Variants in SYBU observed in about 807,000 individuals in gnomAD.
SYBU encodes syntabulin, also known as GOLSYN A protein.
SYBU carries 21 observed loss-of-function variants against 35.9 expected under a neutral mutation model. The observed-to-expected ratio is 0.58, with a 90% CI of 0.41 to 0.84. The LOEUF is 0.84. SYBU is among the 40% of genes least tolerant of loss of function. The pLI is 0.00. For missense variants in SYBU, 768 were observed against 848.2 expected (o/e 0.91, Z 1.17); for synonymous variants, 319 against 324.3 (o/e 0.98, Z 0.18).
In SYBU at chr8:109,580,092, AT is replaced by A; in HGVS notation, c.531-91del. 3 of 1,259,000 alleles carry A rather than the reference AT, an allele frequency of 2.4e-6. No homozygotes were observed. The African/African-American group carries it at 4.4e-5, about 19-fold the overall frequency. The allele number at this position is 1,259,000 out of a possible 1,614,324, so 78.0% of individuals were successfully genotyped here. ...TACTCCTTAAATCTAAGGAAATCCAATTTATAGAGTTGAAAGGCGCAATACA... is the reference window on the plus strand; with the variant it reads ...TACTCCTTAAATCTAAGGAAATCCAATTATAGAGTTGAAAGGCGCAATACA... On this transcript the variant is annotated intron_variant, in intron 4 of 6. Coordinates refer to ENST00000276646, the MANE Select transcript of SYBU (RefSeq NM_001099754.2).
chr8:109,654,698 T>A (rs1015561375), intron 1 of SYBU, among the ~76,000 whole-genome samples: 2 of 152,174 alleles, frequency 1.3e-5, no homozygotes, highest in Non-Finnish European at 2.9e-5. Flanking sequence ...GTCCACAAAC[T>A]CACTACATTC....
intron 3 of SYBU, among the ~76,000 whole-genome samples, chr8:109,605,516 A>G (rs1309639156): frequency 6.6e-6 from 1 of 152,160 alleles, no homozygotes; most frequent in Admixed American, 6.5e-5. Flanking sequence ...CTTGGTGCAC[A>G]TGCCACGTTC....
chr8:109,586,096 G>A lies in SYBU; in HGVS notation c.494C>T (p.Ser165Leu), dbSNP rs1201146051. The change falls in exon 4 of 7, where the codon TCG becomes TTG. Residue 165 changes from serine (S) to leucine (L), a missense_variant. By Grantham distance (145) the Ser-to-Leu change is moderately radical. Coordinates refer to ENST00000276646, the MANE Select transcript of SYBU (RefSeq NM_001099754.2). ...AGAAGACCGCTTGCTTCCCGCAGTC[G>A]ACATATGGACCTCAGGAGCGGAAAT... is the stretch of plus-strand genomic sequence containing the variant. ...GSISAPEVHM[S>L]TAGSKRSSSS... 4.3e-6 allele frequency: 7 copies of A among 1,611,816 alleles called. No individual in the cohort carries two copies. The highest frequency in any genetic ancestry group is 2.7e-5 in the African/African-American group (2 of 74,886).
chr8:109,576,575 G>C (rs1330739720), intron 6 of SYBU, among the ~76,000 whole-genome samples: 1 of 152,110 alleles, frequency 6.6e-6, no homozygotes, highest in Admixed American at 6.6e-5. Flanking sequence ...TGTTCATATG[G>C]TATTCCAATG....
chr8:109,583,624 A>T (rs1368535606), intron 4 of SYBU, among the ~76,000 whole-genome samples: 1 of 152,092 alleles, frequency 6.6e-6, no homozygotes, highest in Non-Finnish European at 1.5e-5. Context: ...CATTCACTAC[A>T]TGGGGAAGCA....
At chr8:109,683,919 A>C (rs987456373), upstream of SYBU, among the ~76,000 whole-genome samples, 2 of 152,162 alleles carry the variant, frequency 1.3e-5, no homozygotes, top group South Asian at 2.1e-4. Context: ...CACCATGTGA[A>C]GAAGGATGTG....
At chr8:109,665,686 C>T (rs891017262) in intron 1 of SYBU, among the ~76,000 whole-genome samples, 1 of 152,168 alleles carries the variant, frequency 6.6e-6, no homozygotes, top group African/African-American at 2.4e-5. Flanking sequence ...AACAAGAAGG[C>T]TCTATTGCAG....
chr8:109,579,112 C>T (rs1822707856), intron 5 of SYBU, among the ~76,000 whole-genome samples: 1 of 152,160 alleles, frequency 6.6e-6, no homozygotes. Flanking sequence ...AGCTCCTTCC[C>T]TGACTCTGGA....
chr8:109,599,061 C>G (rs544232787), intron 3 of SYBU, among the ~76,000 whole-genome samples: 42 of 152,184 alleles, frequency 2.8e-4, no homozygotes, highest in Admixed American at 1.0e-3. Context: ...CCATCCCACC[C>G]AAAGTGTTTG....
chr8:109,626,485 T>C (rs1207699604), intron 2 of SYBU, among the ~76,000 whole-genome samples: 3 of 152,232 alleles, frequency 2.0e-5, no homozygotes, highest in African/African-American at 4.8e-5. Flanking sequence ...GCTTTTATGA[T>C]GAAAATTTGA....
At chr8:109,682,189 G>T (rs1201775130), upstream of SYBU, among the ~76,000 whole-genome samples, 1 of 152,176 alleles carries the variant, frequency 6.6e-6, no homozygotes, top group Non-Finnish European at 1.5e-5. Flanking sequence ...AAGCAACTTT[G>T]GAAATTGGTA....
At chr8:109,617,269 G>A (rs1811910622) in intron 3 of SYBU, among the ~76,000 whole-genome samples, 1 of 152,168 alleles carries the variant, frequency 6.6e-6, no homozygotes. Context: ...TTTGTTTGAG[G>A]TGTCGACAAT....
intron 3 of SYBU, among the ~76,000 whole-genome samples, chr8:109,589,927 G>A (rs1824027598): frequency 6.6e-6 from 1 of 151,668 alleles, no homozygotes; most frequent in Non-Finnish European, 1.5e-5. Flanking sequence ...GTAACCCCAA[G>A]CCCTCTCTTA....
chr8:109,621,147 A>G (rs1239744267), intron 2 of SYBU, among the ~76,000 whole-genome samples: 1 of 152,216 alleles, frequency 6.6e-6, no homozygotes, highest in Non-Finnish European at 1.5e-5. Flanking sequence ...TCAGACTCAC[A>G]GGGATAAAAT....
chr8:109,686,223 A>AC (rs201125312), intron 1 of SYBU, among the ~76,000 whole-genome samples: 2,691 of 151,500 alleles, frequency 0.018, 86 homozygotes, highest in African/African-American at 0.059. Flanking sequence ...TGGACAAAGC[A>AC]CCCCCCGACA....
At chr8:109,587,444 A>T (rs781778772) in intron 3 of SYBU, among the ~76,000 whole-genome samples, 1 of 152,210 alleles carries the variant, frequency 6.6e-6, no homozygotes, top group Non-Finnish European at 1.5e-5. Flanking sequence ...TCCAGGACCA[A>T]ATCTTCATGC....
At chr8:109,673,286 C>T (rs932697319) in intron 1 of SYBU, among the ~76,000 whole-genome samples, 17 of 152,096 alleles carry the variant, frequency 1.1e-4, no homozygotes, top group Non-Finnish European at 8.8e-5. Flanking sequence ...AGGTGAGCTC[C>T]GGCTGGCATT....
chr8:109,603,379 A>C lies in SYBU; in HGVS notation c.427+15463T>G, dbSNP rs1413894986. 3 of 984,710 alleles carry C rather than the reference A, an allele frequency of 3.0e-6. No individual in the cohort carries two copies. The East Asian group carries it at 3.4e-4, about 111-fold the overall frequency. The allele number at this position is 984,710 out of a possible 1,614,324, so 61.0% of individuals were successfully genotyped here. ...CACAATTGGATTTTGCTCTGCTCAC[A>C]AATTATGCTCTGCATTTCCTTGGAC... On this transcript the variant is annotated intron_variant, in intron 3 of 6. Coordinates refer to ENST00000276646, the MANE Select transcript of SYBU (RefSeq NM_001099754.2).
At chr8:109,654,487 C>A (rs1404076823) in intron 1 of SYBU, among the ~76,000 whole-genome samples, 1 of 152,190 alleles carries the variant, frequency 6.6e-6, no homozygotes, top group Non-Finnish European at 1.5e-5. Context: ...TAGCTCATTT[C>A]TTAAATGTTG....
Sources: gnomAD v4.1 joint callset for allele counts (sites outside exome capture counted in the v4.1 genomes callset) on GRCh38, gnomAD v4.1.1 for gene constraint, MANE v1.5 for transcripts, NCBI Gene and HGNC (gene_info 2026-07-23, HGNC 2026-07-21) for gene names.